Variants in CACNA1G observed in about 807,000 individuals in gnomAD.
CACNA1G encodes calcium voltage-gated channel subunit alpha1 G.
CACNA1G carries 67 observed loss-of-function variants against 219.4 expected under a neutral mutation model. The observed-to-expected ratio is 0.31, with a 90% confidence interval of 0.25 to 0.37. CACNA1G has a LOEUF of 0.37. CACNA1G is among the 10% of genes least tolerant of loss of function. The pLI is 1.00. For missense variants in CACNA1G, 2,380 were observed against 3,231.4 expected (o/e 0.74, Z 6.39); for synonymous variants, 1,296 against 1,345.3 (o/e 0.96, Z 0.80).
Position 50,601,162 on chromosome 17 carries a change from C to G in CACNA1G, c.3903C>G (p.Asp1301Glu). The stretch of plus-strand genomic sequence containing the variant: ...TCGCCATGGAGCGCCCCAAAATTGA[C>G]CCCCACAGCGCTGTGAGTCACCAGC... Reference protein sequence around the residue: ...ITIAMERPKIDPHSAERIFLT... With the variant: ...ITIAMERPKIEPHSAERIFLT... Residue 1301 changes from aspartate (D) to glutamate (E), a missense_variant, in exon 19 of 38, where the codon GAC becomes GAG. Transcript: ENST00000359106. The G allele has an allele frequency of 6.2e-7, 1 of 1,613,840 alleles. No individual in the cohort carries two copies. The highest frequency in any genetic ancestry group is 8.5e-7 in the Non-Finnish European group (1 of 1,179,868).
At chr17:50,575,069 T>C (rs1454226002) in intron 7 of CACNA1G, among the ~76,000 whole-genome samples, 1 of 152,156 alleles carries the variant, frequency 6.6e-6, no homozygotes, top group Non-Finnish European at 1.5e-5. Context: ...GTCTTGTAAA[T>C]GATGTTTTTG....
Position 50,578,222 on chromosome 17 carries a change from T to C in CACNA1G, c.1959T>C (p.Pro653=). 1 of 1,600,050 alleles carries C rather than the reference T, an allele frequency of 6.2e-7. No homozygotes were observed. Among genetic ancestry groups the C allele is most frequent in the Non-Finnish European group, 8.5e-7 (1 of 1,171,488 alleles). The change falls in exon 9 of 38, where the codon CCT becomes CCC. Residue 653 remains proline, a synonymous_variant. Transcript: ENST00000359106. The surrounding 1 kb of genome is among the most constrained non-coding windows in gnomAD (Gnocchi z 4.5). ...AAAGCTCTTGCAAGATCTCCAGCCC[T>C]TGCTTGAAAGCAGACAGTGGAGCCT... ...ACQSSCKISS[P]CLKADSGACG... is the part of the protein sequence containing the mutation.
rs1028567484 is a variant in CACNA1G at position 50,598,998 on chromosome 17, G to T, written c.3259-430G>T. ...CCGCCTCGGCCTCCCAATGTGCTGGGATTACAGGTGTGAGCCACCGTGCCC... is the reference window on the plus strand; with the variant it reads ...CCGCCTCGGCCTCCCAATGTGCTGGTATTACAGGTGTGAGCCACCGTGCCC... On this transcript the variant is annotated intron_variant, in intron 16 of 37. Transcript: ENST00000359106. Among the ~76,000 whole-genome samples the T allele has an allele frequency of 7.4e-4, 112 of 152,190 alleles. 1 individual carries two copies. The highest frequency in any genetic ancestry group is 2.6e-3 in the African/African-American group (108 of 41,426).
chr17:50,626,660 C>T lies in CACNA1G; in HGVS notation c.7043C>T (p.Pro2348Leu), dbSNP rs2053873099. The T allele has an allele frequency of 2.5e-6, 4 of 1,613,202 alleles. No individual in the cohort carries two copies. Among genetic ancestry groups the T allele is most frequent in the South Asian group, 2.2e-5 (2 of 91,076 alleles). ...SDSKDPLASG[P>L]PDSMAASPSP... ...TCCAAGGATCCCTTGGCCTCTGGCC[C>T]CCCTGACAGCATGGCTGCCTCGCCC... The change falls in exon 38 of 38, where the codon CCC (proline) becomes CTC (leucine). Residue 2348 changes from proline to leucine, a missense_variant. Pro to Leu is a moderately conservative substitution (Grantham distance 98, BLOSUM62 -3). Coordinates refer to ENST00000359106, the MANE Select transcript of CACNA1G (RefSeq NM_018896.5). The surrounding 1 kb of genome is among the most constrained non-coding windows in gnomAD (Gnocchi z 4.3).
rs75282414 is a variant in CACNA1G, at chr17:50,574,036, G to A, written c.1140+923G>A. On this transcript the variant is annotated intron_variant, in intron 7 of 37. Transcript: ENST00000359106. ...CCAAGAGTGGGGCATCACTGCTGAC[G>A]TATGCTGTAACATCTGCTGCCTGTT... 2.8e-3 allele frequency among the ~76,000 whole-genome samples: 429 copies of A among 152,306 alleles called. 2 individuals carry two copies. The highest frequency in any genetic ancestry group is 0.01 in the African/African-American group (416 of 41,568).
At chr17:50,568,016 T>A (rs1451715802) in intron 1 of CACNA1G, among the ~76,000 whole-genome samples, 1 of 152,184 alleles carries the variant, frequency 6.6e-6, no homozygotes, top group East Asian at 1.9e-4. Flanking sequence ...ATGCCCAGCA[T>A]GGTGCCTGAC....
intron 3 of CACNA1G, 92 bp downstream of exon 3, chr17:50,569,390 C>T (rs1192253083): frequency 7.3e-6 from 10 of 1,360,884 alleles, no homozygotes; most frequent in Non-Finnish European, 1.0e-5. Context: ...TCAGCTCCAG[C>T]CCAGTTACAG....
At chr17:50,623,074 G>A (rs571828744) in intron 35 of CACNA1G, among the ~76,000 whole-genome samples, 6 of 148,694 alleles carry the variant, frequency 4.0e-5, no homozygotes, top group South Asian at 2.2e-4. Flanking sequence ...GCACAGGGTC[G>A]TAGGGGCTGC....
At position 50,591,581 on chromosome 17, in the gene CACNA1G, C is replaced by T; in HGVS notation, c.2600C>T (p.Thr867Ile). The change falls in exon 11 of 38, where the codon ACC becomes ATC. Residue 867 changes from threonine to isoleucine, a missense_variant. Physicochemically the swap from Thr to Ile is moderately conservative, Grantham distance 89. Coordinates refer to ENST00000359106, the MANE Select transcript of CACNA1G (RefSeq NM_018896.5). ...VLMKTMDNVA[T>I]FCMLLMLFIF... is the part of the protein sequence containing the mutation. ...ATGAAGACCATGGACAACGTGGCCA[C>T]CTTCTGCATGCTGCTTATGCTCTTC... The T allele has an allele frequency of 6.2e-7, 1 of 1,613,356 alleles. No homozygotes were observed. Among genetic ancestry groups the T allele is most frequent in the Non-Finnish European group, 8.5e-7 (1 of 1,179,700 alleles).
chr17:50,586,299 G>A (rs901267139), intron 9 of CACNA1G, among the ~76,000 whole-genome samples: 4 of 152,202 alleles, frequency 2.6e-5, no homozygotes, highest in Non-Finnish European at 4.4e-5. Context: ...GCAGAGGAAG[G>A]CTGTTCCACC....
At chr17:50,620,165 G>A (rs1345654402) in intron 34 of CACNA1G, among the ~76,000 whole-genome samples, 1 of 152,136 alleles carries the variant, frequency 6.6e-6, no homozygotes, top group Non-Finnish European at 1.5e-5. Flanking sequence ...CTTAGGGGGT[G>A]GAGGGAAGGA....
At position 50,599,551 on chromosome 17, in the gene CACNA1G, C is replaced by T. The variant is rs756958701; in HGVS notation, c.3382C>T (p.Arg1128Trp). The stretch of plus-strand genomic sequence containing the variant: ...GAAGCGGAGAAGCCCAAGTGGAGAG[C>T]GGCGGTCCCTGTTGTCGGGAGAAGG... ...SLKRRSPSGERRSLLSGEGQE... is the reference protein window; with the variant it reads ...SLKRRSPSGEWRSLLSGEGQE... Residue 1128 changes from arginine (R) to tryptophan (W), a missense_variant, in exon 17 of 38, where the codon CGG (arginine) becomes TGG (tryptophan). Arg to Trp is a moderately radical substitution (Grantham distance 101, BLOSUM62 -3). Coordinates refer to ENST00000359106, the MANE Select transcript of CACNA1G (RefSeq NM_018896.5). 4.7e-5 allele frequency: 75 copies of T among 1,612,306 alleles called. No individual in the cohort carries two copies. The highest frequency in any genetic ancestry group is 6.1e-5 in the Non-Finnish European group (72 of 1,179,310).
intron 26 of CACNA1G, among the ~76,000 whole-genome samples, chr17:50,610,223 T>G (rs780120308): frequency 2.1e-4 from 32 of 152,348 alleles, no homozygotes; most frequent in Non-Finnish European, 1.8e-4. Context: ...TCTTCCCTCC[T>G]GTGCCTCCTC....
Position 50,605,969 on chromosome 17 carries a change from C to G in CACNA1G, c.4368C>G (p.Ala1456=). 1 of 1,613,818 alleles carries G rather than the reference C, an allele frequency of 6.2e-7. No homozygotes were observed. The highest frequency in any genetic ancestry group is 8.5e-7 in the Non-Finnish European group (1 of 1,179,896). ...ACATCACCAATAAATCGGACTGTGC[C>G]GAGGCCAGTTACCGGTGGGTCCGGC... ...TRNITNKSDC[A]EASYRWVRHK... Residue 1456 remains alanine (A), a synonymous_variant, in exon 23 of 38, where the codon GCC becomes GCG. Transcript: ENST00000359106.
chr17:50,599,556 G>A lies in CACNA1G; in HGVS notation c.3387G>A (p.Arg1129=). Reference sequence around the variant, plus strand: ...GGAGAAGCCCAAGTGGAGAGCGGCGGTCCCTGTTGTCGGGAGAAGGCCAGG... The same window carrying A: ...GGAGAAGCCCAAGTGGAGAGCGGCGATCCCTGTTGTCGGGAGAAGGCCAGG... ...LKRRSPSGER[R]SLLSGEGQES... The change falls in exon 17 of 38, where the codon CGG becomes CGA. Residue 1129 remains arginine, a synonymous_variant. Transcript: ENST00000359106. 1 of 1,612,874 alleles carries A rather than the reference G, an allele frequency of 6.2e-7. No individual in the cohort carries two copies. Among genetic ancestry groups the A allele is most frequent in the East Asian group, 2.2e-5 (1 of 44,864 alleles).
chr17:50,622,379 C>T (rs978693319), intron 35 of CACNA1G, among the ~76,000 whole-genome samples: 4 of 151,982 alleles, frequency 2.6e-5, no homozygotes, highest in African/African-American at 9.7e-5. Flanking sequence ...CTTCCCTACC[C>T]TTTCCCTTCT....
intron 37 of CACNA1G, among the ~76,000 whole-genome samples, chr17:50,625,037 C>T (rs1020370639): frequency 7.3e-5 from 11 of 151,188 alleles, no homozygotes; most frequent in African/African-American, 2.4e-4. Context: ...CCCGCAACCT[C>T]CGCCTCCTGG....
chr17:50,593,475 C>T (rs1191328087), intron 13 of CACNA1G, among the ~76,000 whole-genome samples: 2 of 152,264 alleles, frequency 1.3e-5, no homozygotes, highest in African/African-American at 4.8e-5. Flanking sequence ...GCACAGATGG[C>T]CCCCTCCCCA....
At chr17:50,604,577 G>T (rs1430287642) in intron 22 of CACNA1G, among the ~76,000 whole-genome samples, 1 of 152,240 alleles carries the variant, frequency 6.6e-6, no homozygotes, top group Non-Finnish European at 1.5e-5. Context: ...ACGCTGGCCC[G>T]CGGTCTACTC....
Sources: gnomAD v4.1 joint callset for allele counts (sites outside exome capture counted in the v4.1 genomes callset) on GRCh38, gnomAD v4.1.1 for gene constraint, Gnocchi (gnomAD v3.1) non-coding constraint, MANE v1.5 for transcripts, NCBI Gene and HGNC (gene_info 2026-07-23, HGNC 2026-07-21) for gene names.